Variants in SGCZ observed in about 807,000 individuals in gnomAD.
SGCZ encodes sarcoglycan zeta.
Under a neutral mutation model 41.3 loss-of-function variants are expected in SGCZ, and 40 were observed. That is an observed-to-expected ratio of 0.97 (90% CI 0.75 to 1.26). The LOEUF (loss-of-function observed/expected upper bound fraction) is 1.26, where lower values mean the gene tolerates loss of function less well. Ranked by LOEUF, SGCZ falls within the 50% of genes most tolerant of loss-of-function variation. The pLI is 0.00. For synonymous variants in SGCZ, 206 were observed against 137.5 expected, an observed-to-expected ratio of 1.50 and a Z score of -3.49; for missense variants, 552 against 369.8, an observed-to-expected ratio of 1.49 and a Z score of -4.04.
intron 2 of SGCZ, among the ~76,000 whole-genome samples, chr8:14,454,426 C>A (rs1222296860): frequency 2.0e-5 from 3 of 152,216 alleles, no homozygotes; most frequent in Admixed American, 2.0e-4. Context: ...ATTTGATAGT[C>A]ATTTCTTAAT....
At chr8:14,294,528 C>T (rs1196933693) in intron 3 of SGCZ, among the ~76,000 whole-genome samples, 2 of 152,074 alleles carry the variant, frequency 1.3e-5, no homozygotes, top group African/African-American at 4.8e-5. Context: ...GTACCAAAAT[C>T]ATGAACCATA....
intron 2 of SGCZ, among the ~76,000 whole-genome samples, chr8:14,392,153 T>A (rs1488182762): frequency 2.6e-5 from 4 of 152,040 alleles, no homozygotes; most frequent in South Asian, 2.1e-4. Context: ...ACAAAAAAAA[T>A]TATCAGTTAT....
intron 1 of SGCZ, among the ~76,000 whole-genome samples, chr8:15,174,269 T>A (rs1486777559): frequency 2.0e-5 from 3 of 152,168 alleles, no homozygotes. Context: ...ATCAAATAGT[T>A]TTTTCATTGT....
At chr8:15,169,028 A>T (rs992500306) in intron 1 of SGCZ, among the ~76,000 whole-genome samples, 2 of 152,106 alleles carry the variant, frequency 1.3e-5, no homozygotes, top group African/African-American at 4.8e-5. Flanking sequence ...GTTTTGATAC[A>T]TGTTTTCTAA....
At chr8:14,738,360 C>T (rs1473053021) in intron 1 of SGCZ, among the ~76,000 whole-genome samples, 1 of 152,058 alleles carries the variant, frequency 6.6e-6, no homozygotes, top group Non-Finnish European at 1.5e-5. Flanking sequence ...CTAAACCACT[C>T]TCAAAGATTC....
chr8:14,739,439 T>A (rs2130272972), intron 1 of SGCZ, among the ~76,000 whole-genome samples: 1 of 152,194 alleles, frequency 6.6e-6, no homozygotes, highest in East Asian at 1.9e-4. Flanking sequence ...TTAGGTTACA[T>A]ACACACGTGG....
chr8:14,314,163 TTTTG>T (rs1449483265), intron 3 of SGCZ, among the ~76,000 whole-genome samples: 4 of 152,102 alleles, frequency 2.6e-5, no homozygotes, highest in Non-Finnish European at 2.9e-5. Context: ...TAACATGCTT[TTTTG>T]TTTGTTTATT....
chr8:14,996,418 G>A (rs1802222520), intron 1 of SGCZ, among the ~76,000 whole-genome samples: 1 of 152,098 alleles, frequency 6.6e-6, no homozygotes, highest in Admixed American at 6.6e-5. Context: ...GTTTTGTTTT[G>A]AAAGATGGTG....
chr8:14,278,343 ATT>A (rs1800305875), intron 3 of SGCZ, among the ~76,000 whole-genome samples: 1 of 152,100 alleles, frequency 6.6e-6, no homozygotes, highest in South Asian at 2.1e-4. Flanking sequence ...ATTATATAAC[ATT>A]TGTTATTTTC....
intron 1 of SGCZ, among the ~76,000 whole-genome samples, chr8:14,571,698 G>C (rs1054165547): frequency 1.3e-5 from 2 of 152,064 alleles, no homozygotes; most frequent in African/African-American, 4.8e-5. Context: ...AAAAGGCCTT[G>C]ACCATATTAT....
At chr8:15,201,591 A>T (rs988569574) in intron 1 of SGCZ, among the ~76,000 whole-genome samples, 5 of 152,176 alleles carry the variant, frequency 3.3e-5, no homozygotes, top group African/African-American at 1.2e-4. Flanking sequence ...AAGTTCATGC[A>T]TTGAGTCTGC....
chr8:14,962,932 G>T (rs1801008703), intron 1 of SGCZ, among the ~76,000 whole-genome samples: 1 of 152,232 alleles, frequency 6.6e-6, no homozygotes, highest in African/African-American at 2.4e-5. Context: ...TGGCAACAGG[G>T]GATTAGCCCT....
At chr8:14,455,197 T>A (rs933781422) in intron 2 of SGCZ, among the ~76,000 whole-genome samples, 2 of 151,988 alleles carry the variant, frequency 1.3e-5, no homozygotes, top group Non-Finnish European at 2.9e-5. Flanking sequence ...AAAGCTTACA[T>A]AGAAAAAATG....
At position 15,172,159 on chromosome 8, in the gene SGCZ, T is replaced by TTTTTTATTTATTTA. The variant is rs1233799056; in HGVS notation, c.39+65425_39+65426insTAAATAAATAAAAA. ...AAAAATGCCTTTTATACTCTGTTTT[T>TTTTTTATTTATTTA]TTTTTTTTTTTTTTTTTTTTGAGAC... On this transcript the variant is annotated intron_variant, in intron 1 of 7. Transcript: ENST00000382080. 2.0e-3 allele frequency among the ~76,000 whole-genome samples: 193 copies of TTTTTTATTTATTTA among 96,998 alleles called. 10 individuals are homozygous for TTTTTTATTTATTTA. The highest frequency in any genetic ancestry group is 9.3e-3 in the Middle Eastern group (2 of 214). 63.6% of individuals were successfully genotyped at this position (96,998 alleles called of 152,430 possible).
intron 4 of SGCZ, among the ~76,000 whole-genome samples, chr8:14,231,467 T>C (rs1334205542): frequency 1.3e-5 from 2 of 152,050 alleles, no homozygotes; most frequent in East Asian, 1.9e-4. Flanking sequence ...CTCACCTCAA[T>C]TGACCAATGG....
chr8:15,102,538 A>G (rs535572445), intron 1 of SGCZ, among the ~76,000 whole-genome samples: 1 of 150,662 alleles, frequency 6.6e-6, no homozygotes, highest in African/African-American at 2.5e-5. Context: ...GTAATGATGT[A>G]TCCATATTGG....
chr8:14,132,723 AT>A (rs1218677606), intron 5 of SGCZ, among the ~76,000 whole-genome samples: 1 of 151,672 alleles, frequency 6.6e-6, no homozygotes, highest in Non-Finnish European at 1.5e-5. Flanking sequence ...TAGCCTTTTC[AT>A]TTCTGTTTCT....
chr8:15,088,005 T>C (rs1806012211), intron 1 of SGCZ, among the ~76,000 whole-genome samples: 1 of 143,028 alleles, frequency 7.0e-6, no homozygotes, highest in Admixed American at 6.7e-5. Flanking sequence ...TTTCTGACTC[T>C]CTCTCACTCC....
chr8:14,614,457 T>A (rs1806030318), intron 1 of SGCZ, among the ~76,000 whole-genome samples: 1 of 152,204 alleles, frequency 6.6e-6, no homozygotes, highest in African/African-American at 2.4e-5. Flanking sequence ...TACACATGAT[T>A]GTATTTTTCT....
Sources: allele counts gnomAD v4.1 joint callset (sites outside exome capture counted in the v4.1 genomes callset), GRCh38; gene constraint gnomAD v4.1.1; transcripts MANE v1.5; gene names NCBI Gene and HGNC (gene_info 2026-07-23, HGNC 2026-07-21).